Variants in BCHE observed in about 807,000 individuals in gnomAD.
The protein encoded by BCHE is cholinesterase.
In BCHE, 48 loss-of-function variants were observed where a neutral mutation model predicts 51.3. The ratio of observed to expected loss-of-function variants is 0.94; its 90% CI spans 0.74 to 1.19. The LOEUF is 1.19. Among genes scored for constraint, BCHE ranks in the 50% most tolerant of loss-of-function variants. The pLI is 0.00. For synonymous variants in BCHE, 251 were observed against 238.0 expected (o/e 1.05, Z -0.50); for missense variants, 847 against 708.2 (o/e 1.20, Z -2.23).
chr3:165,783,837 A>G (rs1275011783), intron 3 of BCHE, among the ~76,000 whole-genome samples: 1 of 152,006 alleles, frequency 6.6e-6, no homozygotes, highest in Non-Finnish European at 1.5e-5. Context: ...TCTGAATTTG[A>G]TAACATTTGA....
At chr3:165,817,392 G>A (rs1045145028) in intron 2 of BCHE, among the ~76,000 whole-genome samples, 3 of 151,952 alleles carry the variant, frequency 2.0e-5, no homozygotes, top group African/African-American at 7.3e-5. Context: ...TCAAATTCCT[G>A]AATATTTCAT....
In BCHE at chr3:165,837,385, G is replaced by C; in HGVS notation, c.-80C>G. On this transcript the variant is annotated 5_prime_UTR_variant, in exon 1 of 4. The change creates a new upstream start codon in the 5' untranslated region. Transcript: ENST00000264381. The stretch of plus-strand genomic sequence containing the variant: ...CATGTAATACTTCGGGGAAATGCAG[G>C]ATGCAGCTGCTGCTCCAGCCTGTAA... 7.8e-7 allele frequency: 1 copy of C among 1,289,758 alleles called. No individual in the cohort carries two copies. The highest frequency in any genetic ancestry group is 1.2e-5 in the South Asian group (1 of 81,026). The allele number at this position is 1,289,758 out of a possible 1,614,324, so 79.9% of individuals were successfully genotyped here. A position where few individuals can be genotyped will look rare whatever the true frequency, so the allele number is the denominator to read the frequency against.
intron 1 of BCHE, among the ~76,000 whole-genome samples, chr3:165,833,502 A>G (rs960309326): frequency 1.3e-5 from 2 of 152,182 alleles, no homozygotes; most frequent in African/African-American, 4.8e-5. Flanking sequence ...AACAGAGAAA[A>G]GGTACAGTGA....
intron 2 of BCHE, among the ~76,000 whole-genome samples, chr3:165,787,905 T>G (rs1032771220): frequency 6.6e-6 from 1 of 151,986 alleles, no homozygotes; most frequent in Non-Finnish European, 1.5e-5. Context: ...CTATAAAGTT[T>G]TTCAGCCTTT....
chr3:165,814,083 G>T (rs545547207), intron 2 of BCHE, among the ~76,000 whole-genome samples: 1 of 151,856 alleles, frequency 6.6e-6, no homozygotes, highest in African/African-American at 2.4e-5. Flanking sequence ...CTCATATTAC[G>T]ATATCTGAAT....
At chr3:165,773,546 A>G in intron 3 of BCHE, 40 bp from the exon 4 acceptor site, 4 of 1,548,504 alleles carry the variant, frequency 2.6e-6, no homozygotes, top group Non-Finnish European at 2.7e-6. Context: ...CAAAATTTTT[A>G]TCTGTTTCAT....
rs748236800 is a variant in BCHE at position 165,786,322 on chromosome 3, A to C, written c.1518-11T>G. On this transcript the variant is annotated splice_polypyrimidine_tract_variant and intron_variant, in intron 2 of 3. Coordinates refer to ENST00000264381, the MANE Select transcript of BCHE (RefSeq NM_000055.4). ...GTCTCATTTGGATTCCTAAATAATA[A>C]AATAGAGACATTATAGTAAAATTGA... The C allele has an allele frequency of 5.0e-6, 8 of 1,601,496 alleles. No individual in the cohort carries two copies. The South Asian group carries it at 7.7e-5, about 15-fold the overall frequency.
intron 2 of BCHE, among the ~76,000 whole-genome samples, chr3:165,803,709 G>T (rs1713755135): frequency 6.6e-6 from 1 of 152,022 alleles, no homozygotes; most frequent in Non-Finnish European, 1.5e-5. Context: ...TGAATTTTTT[G>T]GCATAAGCAA....
intron 2 of BCHE, among the ~76,000 whole-genome samples, chr3:165,812,366 C>A (rs1207219083): frequency 9.3e-5 from 14 of 151,096 alleles, no homozygotes; most frequent in Admixed American, 9.3e-4. Context: ...TATTTATCAA[C>A]ATTTTTACTC....
chr3:165,799,797 G>C (rs1396012675), intron 2 of BCHE, among the ~76,000 whole-genome samples: 2 of 151,956 alleles, frequency 1.3e-5, no homozygotes, highest in Non-Finnish European at 2.9e-5. Context: ...AGTAATTGGT[G>C]AAAACCTTTA....
At chr3:165,824,092 A>G (rs531337240) in intron 2 of BCHE, among the ~76,000 whole-genome samples, 2 of 152,002 alleles carry the variant, frequency 1.3e-5, no homozygotes, top group African/African-American at 4.8e-5. Context: ...TTATTCTTAC[A>G]TGAAAGCTTT....
At chr3:165,775,324 C>T (rs1712422755) in intron 3 of BCHE, among the ~76,000 whole-genome samples, 1 of 151,778 alleles carries the variant, frequency 6.6e-6, no homozygotes, top group Non-Finnish European at 1.5e-5. Flanking sequence ...GTTTCACTTT[C>T]ATGTAAAAAT....
intron 3 of BCHE, among the ~76,000 whole-genome samples, chr3:165,778,897 C>T (rs573261340): frequency 3.9e-4 from 57 of 146,442 alleles, no homozygotes; most frequent in African/African-American, 1.3e-3. Flanking sequence ...TTAAAACCAC[C>T]ACAAATGTCT....
intron 2 of BCHE, among the ~76,000 whole-genome samples, chr3:165,824,507 T>A (rs914152887): frequency 6.6e-6 from 1 of 152,042 alleles, no homozygotes; most frequent in African/African-American, 2.4e-5. Context: ...ATGCTCCACA[T>A]CTATTATTTA....
At chr3:165,818,205 T>C (rs1467689655) in intron 2 of BCHE, among the ~76,000 whole-genome samples, 1 of 151,770 alleles carries the variant, frequency 6.6e-6, no homozygotes, top group Non-Finnish European at 1.5e-5. Context: ...AATTACAAAA[T>C]ATGAAACAAA....
intron 2 of BCHE, among the ~76,000 whole-genome samples, chr3:165,813,097 A>G (rs1486717223): frequency 6.6e-6 from 1 of 151,912 alleles, no homozygotes; most frequent in Non-Finnish European, 1.5e-5. Flanking sequence ...TTTTACCAGA[A>G]AAAATATCAT....
chr3:165,820,108 A>G (rs978910950), intron 2 of BCHE, among the ~76,000 whole-genome samples: 14 of 152,106 alleles, frequency 9.2e-5, no homozygotes, highest in Admixed American at 2.6e-4. Context: ...TACTGAGTGC[A>G]TTAGTTTTTT....
intron 2 of BCHE, among the ~76,000 whole-genome samples, chr3:165,824,839 A>T (rs1021491212): frequency 1.3e-5 from 2 of 151,986 alleles, no homozygotes; most frequent in African/African-American, 2.4e-5. Context: ...AAATTAAAAA[A>T]TAACAAAATA....
intron 2 of BCHE, among the ~76,000 whole-genome samples, chr3:165,796,746 T>A (rs927079787): frequency 1.3e-5 from 2 of 152,168 alleles, no homozygotes; most frequent in Non-Finnish European, 2.9e-5. Flanking sequence ...CCTAAATACT[T>A]CACTAAAGTC....
Sources: gnomAD v4.1 joint callset for allele counts (sites outside exome capture counted in the v4.1 genomes callset) on GRCh38, gnomAD v4.1.1 for gene constraint, MANE v1.5 for transcripts, NCBI Gene and HGNC (gene_info 2026-07-23, HGNC 2026-07-21) for gene names.